Variants in LIN28B observed in about 807,000 individuals in gnomAD.
LIN28B encodes protein lin-28 homolog B.
Under a neutral mutation model 21.9 loss-of-function variants are expected in LIN28B, and 5 were observed. That is an observed-to-expected ratio of 0.23 (90% CI 0.12 to 0.48). The LOEUF is 0.48. Among genes scored for constraint, LIN28B ranks in the 20% least tolerant of loss-of-function variants. LIN28B has a pLI of 0.98. For synonymous variants in LIN28B, 109 were observed against 111.3 expected, an observed-to-expected ratio of 0.98 and a Z score of 0.13; for missense variants, 245 against 310.5, an observed-to-expected ratio of 0.79 and a Z score of 1.58.
At chr6:104,975,498 T>G (rs887517572) in intron 2 of LIN28B, among the ~76,000 whole-genome samples, 20 of 152,208 alleles carry the variant, frequency 1.3e-4, no homozygotes, top group Admixed American at 1.0e-3. Context: ...CTGGTTTAAC[T>G]TCTCTCTACC....
At chr6:105,064,577 A>T (rs115063101) in intron 3 of LIN28B, among the ~76,000 whole-genome samples, 1 of 152,234 alleles carries the variant, frequency 6.6e-6, no homozygotes, top group African/African-American at 2.4e-5. Flanking sequence ...ATTACATGTC[A>T]AACACATAAA....
intron 2 of LIN28B, among the ~76,000 whole-genome samples, chr6:104,964,195 C>T (rs748802999): frequency 6.6e-6 from 1 of 152,112 alleles, no homozygotes; most frequent in Non-Finnish European, 1.5e-5. Context: ...AAATAAGATG[C>T]ACTGTGTTGT....
chr6:105,000,690 A>G (rs976181545), intron 2 of LIN28B, among the ~76,000 whole-genome samples: 5 of 151,790 alleles, frequency 3.3e-5, no homozygotes, highest in Non-Finnish European at 5.9e-5. Context: ...TAAATTAAAA[A>G]AATAGAAAAT....
At chr6:104,993,218 A>G (rs1036497321) in intron 2 of LIN28B, among the ~76,000 whole-genome samples, 2 of 152,176 alleles carry the variant, frequency 1.3e-5, no homozygotes, top group African/African-American at 4.8e-5. Context: ...ATGTAATCCC[A>G]GCACTTAGGA....
intron 3 of LIN28B, among the ~76,000 whole-genome samples, chr6:105,066,394 T>G (rs776272429): frequency 6.6e-6 from 1 of 152,226 alleles, no homozygotes; most frequent in Non-Finnish European, 1.5e-5. Context: ...TTGCTAAAAC[T>G]AGGGTAACAT....
chr6:104,998,712 A>G (rs1247533865), intron 2 of LIN28B, among the ~76,000 whole-genome samples: 1 of 152,168 alleles, frequency 6.6e-6, no homozygotes, highest in Non-Finnish European at 1.5e-5. Flanking sequence ...TGAGTGAAAT[A>G]TTTTATTCCA....
At chr6:105,007,261 A>C (rs1164069704) in intron 2 of LIN28B, among the ~76,000 whole-genome samples, 4 of 152,230 alleles carry the variant, frequency 2.6e-5, no homozygotes, top group Non-Finnish European at 5.9e-5. Flanking sequence ...AAACAGTTTC[A>C]ATTTGAATTT....
chr6:105,053,173 C>T (rs1294949707), intron 3 of LIN28B, among the ~76,000 whole-genome samples: 1 of 151,946 alleles, frequency 6.6e-6, no homozygotes, highest in East Asian at 1.9e-4. Flanking sequence ...TTATTTCTAA[C>T]TTAATTCTCT....
chr6:104,963,014 C>T (rs996589471), intron 2 of LIN28B, among the ~76,000 whole-genome samples: 2 of 152,022 alleles, frequency 1.3e-5, no homozygotes, highest in Admixed American at 6.6e-5. Context: ...GCTTTAAGGC[C>T]GTTTAATCAT....
At chr6:104,992,524 T>TTA (rs1262514243) in intron 2 of LIN28B, among the ~76,000 whole-genome samples, 5 of 144,376 alleles carry the variant, frequency 3.5e-5, no homozygotes, top group Non-Finnish European at 7.7e-5. Context: ...GTTTTTTTTT[T>TTA]AAACAGGGTC....
chr6:105,068,383 T>C (rs1772261855), intron 3 of LIN28B, among the ~76,000 whole-genome samples: 1 of 152,236 alleles, frequency 6.6e-6, no homozygotes, highest in Admixed American at 6.5e-5. Context: ...ACAATGTGTC[T>C]AGTTAATTTC....
rs191366019 is a variant in LIN28B, at chr6:105,008,383, G to A, written c.199-17915G>A. Among the ~76,000 whole-genome samples, 94 of 152,160 alleles carry A rather than the reference G, an allele frequency of 6.2e-4. No individual in the cohort carries two copies. The East Asian group carries it at 0.016, about 27-fold the overall frequency. Reference sequence around the variant, plus strand: ...TGCCAGGCTGGGCGCGGTGGCTCACGTCTGTAATCCCAGCACTTTGGGAGG... The same window carrying A: ...TGCCAGGCTGGGCGCGGTGGCTCACATCTGTAATCCCAGCACTTTGGGAGG... On this transcript the variant is annotated intron_variant, in intron 2 of 3. Transcript: ENST00000345080.
At chr6:105,066,502 A>G (rs1772223263) in intron 3 of LIN28B, among the ~76,000 whole-genome samples, 1 of 152,276 alleles carries the variant, frequency 6.6e-6, no homozygotes, top group Non-Finnish European at 1.5e-5. Context: ...CAGTCATGCC[A>G]CCAAAATTGA....
intron 2 of LIN28B, among the ~76,000 whole-genome samples, chr6:104,999,667 T>TAA (rs1770681063): frequency 6.6e-6 from 1 of 152,152 alleles, no homozygotes; most frequent in Non-Finnish European, 1.5e-5. Flanking sequence ...CCCTGTCTTA[T>TAA]GGTGCTGAAC....
intron 2 of LIN28B, among the ~76,000 whole-genome samples, chr6:105,014,188 C>T (rs1770980854): frequency 6.6e-6 from 1 of 152,142 alleles, no homozygotes; most frequent in South Asian, 2.1e-4. Context: ...CACTCTGTGG[C>T]CCAGGCTGCA....
chr6:104,999,614 G>T (rs1339186875), intron 2 of LIN28B, among the ~76,000 whole-genome samples: 1 of 152,144 alleles, frequency 6.6e-6, no homozygotes, highest in Non-Finnish European at 1.5e-5. Context: ...CAATGTAATG[G>T]CATGTATATT....
At chr6:105,013,535 C>T (rs1345746920) in intron 2 of LIN28B, among the ~76,000 whole-genome samples, 3 of 151,546 alleles carry the variant, frequency 2.0e-5, no homozygotes, top group East Asian at 1.9e-4. Flanking sequence ...CCCAGGAGTT[C>T]GAGACCAACC....
upstream of LIN28B, among the ~76,000 whole-genome samples, chr6:104,953,009 C>T (rs77505350): frequency 6.4e-3 from 970 of 152,318 alleles, 12 homozygotes; most frequent in African/African-American, 0.022. Context: ...CAGTCGGGCG[C>T]GCCTTGCATT....
intron 3 of LIN28B, among the ~76,000 whole-genome samples, chr6:105,032,222 GC>G (rs977913402): frequency 3.3e-5 from 5 of 152,076 alleles, no homozygotes; most frequent in African/African-American, 4.8e-5. Context: ...GAATAGAACA[GC>G]CATAAACATT....
Sources: gnomAD v4.1 joint callset for allele counts (sites outside exome capture counted in the v4.1 genomes callset) on GRCh38, gnomAD v4.1.1 for gene constraint, MANE v1.5 for transcripts, NCBI Gene and HGNC (gene_info 2026-07-23, HGNC 2026-07-21) for gene names.